The following HERC1 variants were observed in gnomAD, a reference collection of about 807,000 sequenced individuals.
The protein encoded by HERC1 is probable E3 ubiquitin-protein ligase HERC1.
HERC1 carries 160 observed loss-of-function variants against 554.3 expected under a neutral mutation model. The observed-to-expected ratio is 0.29, with a 90% confidence interval of 0.25 to 0.33. The LOEUF is 0.33. Ranked by LOEUF, HERC1 falls within the 10% of genes least tolerant of loss-of-function variation. HERC1 has a pLI of 1.00. For missense variants in HERC1, 4,919 were observed against 5,918.5 expected, an observed-to-expected ratio of 0.83 and a Z score of 5.54; for synonymous variants, 2,175 against 2,131.7, an observed-to-expected ratio of 1.02 and a Z score of -0.56.
At chr15:63,722,029 A>G (rs907149201) in intron 19 of HERC1, among the ~76,000 whole-genome samples, 1 of 152,014 alleles carries the variant, frequency 6.6e-6, no homozygotes, top group Non-Finnish European at 1.5e-5. Context: ...ACCAGCTAAT[A>G]TTTTTTTGTA....
intron 1 of HERC1, among the ~76,000 whole-genome samples, chr15:63,826,852 C>T (rs1333907918): frequency 1.5e-5 from 1 of 67,474 alleles, no homozygotes; most frequent in African/African-American, 4.8e-5. Flanking sequence ...TAAAGTATGA[C>T]AACGTATTCT....
chr15:63,764,260 A>C (rs530449704), intron 2 of HERC1, 69 bp from the exon 3 acceptor site: 1 of 1,054,328 alleles, frequency 9.5e-7, no homozygotes, highest in Admixed American at 2.0e-5. Flanking sequence ...TTAGTTAAAC[A>C]GTCTACAAAA....
chr15:63,723,160 C>A (rs200920211), intron 19 of HERC1, 22 bp downstream of exon 19: 1 of 1,378,560 alleles, frequency 7.3e-7, no homozygotes, highest in Non-Finnish European at 9.5e-7. Flanking sequence ...CAAATTTACT[C>A]CCTTTATCTT....
intron 1 of HERC1, among the ~76,000 whole-genome samples, chr15:63,804,393 C>A (rs1313020422): frequency 6.6e-6 from 1 of 151,904 alleles, no homozygotes; most frequent in African/African-American, 2.4e-5. Flanking sequence ...CAAAACCAGC[C>A]TGGCCAACAT....
At chr15:63,785,100 A>G (rs182205322) in intron 1 of HERC1, among the ~76,000 whole-genome samples, 1 of 152,326 alleles carries the variant, frequency 6.6e-6, no homozygotes, top group Admixed American at 6.5e-5. Flanking sequence ...AAATAAATAT[A>G]TAAAGACTCA....
intron 26 of HERC1, among the ~76,000 whole-genome samples, chr15:63,696,910 T>A (rs2072448482): frequency 6.6e-6 from 1 of 151,418 alleles, no homozygotes; most frequent in South Asian, 2.1e-4. Context: ...ATCACTGTAG[T>A]TGATCAGCTT....
rs371404887 is a variant in HERC1, at chr15:63,775,192, A to G, written c.432T>C (p.His144=). The G allele has an allele frequency of 7.7e-5, 125 of 1,613,914 alleles. No individual in the cohort carries two copies. The highest frequency in any genetic ancestry group is 5.0e-5 in the Admixed American group (3 of 60,006). ...TTGACCGGGGGCGTTCACTAACAGA[A>G]TGGACATCTGCTGAACCAGAACTGC... ...PESSSGSADV[H]SVSERPRSST... is the part of the protein sequence containing the mutation. The change falls in exon 2 of 78, where the codon CAT becomes CAC. Residue 144 remains histidine, a synonymous_variant. Transcript: ENST00000443617. The surrounding 1 kb of genome is among the most constrained non-coding windows in gnomAD (Gnocchi z 4.0).
In HERC1 at chr15:63,630,458, A is replaced by C. The variant is rs368376049; in HGVS notation, c.12966+8T>G. The stretch of plus-strand genomic sequence containing the variant: ...TATGAGAAAGCAGCAAGCAATATAA[A>C]TATTTACCTGCCCTTCTGAATTGCT... On this transcript the variant is annotated splice_region_variant and intron_variant, in intron 69 of 77. Coordinates refer to ENST00000443617, the MANE Select transcript of HERC1 (RefSeq NM_003922.4). 1.0e-4 allele frequency: 160 copies of C among 1,608,026 alleles called. 1 individual carries two copies. The highest frequency in any genetic ancestry group is 1.3e-4 in the Non-Finnish European group (149 of 1,177,462).
chr15:63,822,628 G>A (rs1180322609), intron 1 of HERC1, among the ~76,000 whole-genome samples: 2 of 151,952 alleles, frequency 1.3e-5, no homozygotes, highest in African/African-American at 4.8e-5. Context: ...ATTTAATTTA[G>A]ATGTCATCTA....
rs1046486659 is a variant in HERC1, at chr15:63,678,112, T to G, written c.6803A>C (p.Glu2268Ala). 3.7e-6 allele frequency: 6 copies of G among 1,613,886 alleles called. No homozygotes were observed. In the Admixed American group the frequency reaches 8.3e-5, roughly 22 times the overall value. ...SRSVQSREEN[E>A]MREEKESKEE... ...TTTGCTCTCCTTCTCCTCTCTCATT[T>G]CATTTTCCTCTCGGCTCTGAACCGA... The change falls in exon 37 of 78, where the codon GAA becomes GCA. Residue 2268 changes from glutamate (E) to alanine (A), a missense_variant. Around this residue, in one of 11 missense-constraint regions of HERC1, gnomAD observed 1,963 missense variants for 2,228.6 expected, o/e 0.88. Transcript: ENST00000443617.
At position 63,659,866 on chromosome 15, in the gene HERC1, A is replaced by G. The variant is rs374261680; in HGVS notation, c.9294T>C (p.Ala3098=). The G allele has an allele frequency of 2.5e-6, 4 of 1,613,968 alleles. No individual in the cohort carries two copies. The highest frequency in any genetic ancestry group is 3.4e-6 in the Non-Finnish European group (4 of 1,179,852). The change falls in exon 47 of 78, where the codon GCT becomes GCC. Residue 3098 remains alanine (A), a synonymous_variant. Coordinates refer to ENST00000443617, the MANE Select transcript of HERC1 (RefSeq NM_003922.4). Reference sequence around the variant, plus strand: ...GCCGGTCATTTAAACCAAGCGGTCCAGCAAGTAATTCAAATTCTTCTTCAC... The same window carrying G: ...GCCGGTCATTTAAACCAAGCGGTCCGGCAAGTAATTCAAATTCTTCTTCAC... The part of the protein sequence containing the change: ...LTGEEEFELL[A]GPLGLNDRRI...
At chr15:63,741,036 T>A (rs1236143889) in intron 12 of HERC1, among the ~76,000 whole-genome samples, 2 of 152,126 alleles carry the variant, frequency 1.3e-5, no homozygotes, top group Admixed American at 6.5e-5. Flanking sequence ...TTTTTTTTTT[T>A]ATTTTTTTGT....
intron 68 of HERC1, among the ~76,000 whole-genome samples, chr15:63,631,891 G>T (rs1290245306): frequency 6.6e-6 from 1 of 152,044 alleles, no homozygotes; most frequent in African/African-American, 2.4e-5. Flanking sequence ...ACATGCCCCA[G>T]AGCTCTATTT....
At chr15:63,736,867 A>G (rs1014241699) in intron 12 of HERC1, among the ~76,000 whole-genome samples, 1 of 152,094 alleles carries the variant, frequency 6.6e-6, no homozygotes, top group African/African-American at 2.4e-5. Context: ...TCAGCCTCCT[A>G]AAGTGCTGGG....
intron 1 of HERC1, 34 bp downstream of exon 1, chr15:63,833,793 G>GCACACACACACACACACA (rs1567176634): frequency 1.0e-4 from 15 of 146,360 alleles, no homozygotes; most frequent in African/African-American, 3.3e-4. Context: ...ACACACACAG[G>GCACACACACACACACACA]ACCAGGAGGA....
chr15:63,737,481 G>GATATATATAT, intron 12 of HERC1, among the ~76,000 whole-genome samples: 1 of 45,190 alleles, frequency 2.2e-5, no homozygotes, highest in Non-Finnish European at 4.6e-5. Flanking sequence ...CTTTTTTCCA[G>GATATATATAT]ATATATATAT....
chr15:63,662,044 A>G, intron 44 of HERC1, 23 bp from the exon 45 acceptor site: 1 of 1,597,604 alleles, frequency 6.3e-7, no homozygotes, highest in Non-Finnish European at 8.6e-7. Context: ...ATTTCATACC[A>G]AATGATTAGT....
chr15:63,738,718 G>T (rs1401909257), intron 12 of HERC1, among the ~76,000 whole-genome samples: 1 of 152,160 alleles, frequency 6.6e-6, no homozygotes, highest in East Asian at 1.9e-4. Context: ...CAGCCTGTGT[G>T]TAACATCCTG....
At position 63,634,598 on chromosome 15, in the gene HERC1, T is replaced by C. The variant is rs895880491; in HGVS notation, c.12570+135A>G. On this transcript the variant is annotated intron_variant, in intron 66 of 77. Coordinates refer to ENST00000443617, the MANE Select transcript of HERC1 (RefSeq NM_003922.4). ...TCACATTGGGAAACAGTTAAAATTA[T>C]CAATTAGACCATAGCAAAATGTACA... 1.1e-5 allele frequency: 7 copies of C among 624,010 alleles called. No individual in the cohort carries two copies. The East Asian group carries it at 1.2e-4, about 11-fold the overall frequency. 38.7% of individuals were successfully genotyped at this position (624,010 alleles called of 1,614,324 possible).
Sources: allele counts gnomAD v4.1 joint callset (sites outside exome capture counted in the v4.1 genomes callset), GRCh38; gene constraint gnomAD v4.1.1; regional missense constraint gnomAD v4.1.1; non-coding constraint Gnocchi (gnomAD v3.1); transcripts MANE v1.5; gene names NCBI Gene and HGNC (gene_info 2026-07-23, HGNC 2026-07-21).